Variants in NAV2 observed in about 807,000 individuals in gnomAD.
The protein encoded by NAV2 is helicase, APC down-regulated 1.
Under a neutral mutation model 223.2 loss-of-function variants are expected in NAV2, and 54 were observed. The observed-to-expected ratio is 0.24, with a 90% CI of 0.19 to 0.30. NAV2 has a LOEUF of 0.30. NAV2 is among the 10% of genes least tolerant of loss of function. The pLI is 1.00. For synonymous variants in NAV2, 1,279 were observed against 1,239.3 expected (o/e 1.03, Z -0.67); for missense variants, 2,806 against 3,147.5 (o/e 0.89, Z 2.60).
At chr11:19,435,178 C>A (rs895678883) in intron 1 of NAV2, among the ~76,000 whole-genome samples, 1 of 152,168 alleles carries the variant, frequency 6.6e-6, no homozygotes, top group Admixed American at 6.5e-5. Context: ...CTATGCCTAT[C>A]TAACTGAAAC....
rs532455435 is a variant in NAV2, at chr11:19,641,756, G to A, written c.76-190728G>A. ...CTTTGGCTCAAATGCCCCTGGCCCC[G>A]CCCAGGAAGCTTCTGTGCTTACCCT... On this transcript the variant is annotated intron_variant, in intron 1 of 37. Coordinates refer to the NAV2 transcript ENST00000360655. Among the ~76,000 whole-genome samples the A allele has an allele frequency of 2.6e-5, 4 of 151,884 alleles. 1 individual carries two copies. Among genetic ancestry groups the A allele is most frequent in the East Asian group, 1.9e-4 (1 of 5,168 alleles).
intron 1 of NAV2, among the ~76,000 whole-genome samples, chr11:19,643,381 T>C (rs564807908): frequency 6.2e-5 from 9 of 145,894 alleles, no homozygotes; most frequent in African/African-American, 2.3e-4. Flanking sequence ...GTTCTCATTG[T>C]TCAATTCCCA....
intron 1 of NAV2, among the ~76,000 whole-genome samples, chr11:19,796,932 T>C (rs1323617033): frequency 6.6e-6 from 1 of 152,186 alleles, no homozygotes; most frequent in East Asian, 1.9e-4. Flanking sequence ...CGGCCCCCAC[T>C]TTCCTTCTTC....
At chr11:19,407,862 T>A (rs1849968152) in intron 1 of NAV2, among the ~76,000 whole-genome samples, 1 of 152,192 alleles carries the variant, frequency 6.6e-6, no homozygotes, top group Admixed American at 6.5e-5. Flanking sequence ...TTGTCCTTTG[T>A]TTCATTGTTC....
At chr11:19,388,521 T>C (rs1849127704) in intron 1 of NAV2, among the ~76,000 whole-genome samples, 1 of 152,190 alleles carries the variant, frequency 6.6e-6, no homozygotes. Context: ...TTTCTGAACT[T>C]CCTGTACTGT....
intron 1 of NAV2, among the ~76,000 whole-genome samples, chr11:19,540,351 A>G (rs975547218): frequency 7.2e-5 from 11 of 152,194 alleles, no homozygotes; most frequent in Admixed American, 5.9e-4. Context: ...AATTATCACA[A>G]CATCAGCAAG....
intron 4 of NAV2, among the ~76,000 whole-genome samples, chr11:19,876,868 G>A (rs952643668): frequency 2.7e-5 from 4 of 149,818 alleles, no homozygotes; most frequent in Admixed American, 2.7e-4. Context: ...ATACTCAAAT[G>A]CCTACCAGCT....
At chr11:19,871,084 C>T (rs1409182135) in intron 4 of NAV2, among the ~76,000 whole-genome samples, 2 of 152,084 alleles carry the variant, frequency 1.3e-5, no homozygotes, top group Non-Finnish European at 2.9e-5. Context: ...GCTGTGGTAT[C>T]AAGCCATTGT....
At chr11:20,012,134 AGAATGGAGT>A (rs998254427) in intron 11 of NAV2, among the ~76,000 whole-genome samples, 2 of 152,216 alleles carry the variant, frequency 1.3e-5, no homozygotes, top group African/African-American at 4.8e-5. Context: ...AGTTGGCTGA[AGAATGGAGT>A]TTCTGTCTAG....
At chr11:19,787,527 A>C (rs2152709081) in intron 1 of NAV2, among the ~76,000 whole-genome samples, 1 of 152,290 alleles carries the variant, frequency 6.6e-6, no homozygotes, top group Admixed American at 6.5e-5. Flanking sequence ...AGAAACAAAA[A>C]GAACTTGATA....
chr11:19,474,294 A>G (rs1309889490), intron 1 of NAV2, among the ~76,000 whole-genome samples: 3 of 152,216 alleles, frequency 2.0e-5, no homozygotes, highest in African/African-American at 4.8e-5. Flanking sequence ...AAACAATGAG[A>G]CGCTAAATGA....
At chr11:20,000,846 T>A (rs1036363853) in intron 11 of NAV2, among the ~76,000 whole-genome samples, 2 of 152,194 alleles carry the variant, frequency 1.3e-5, no homozygotes, top group African/African-American at 4.8e-5. Context: ...AGCACGTCCT[T>A]GTGTGCTGCG....
chr11:20,094,828 GCCGCCATATGACACCTC>G (rs2061131599), intron 29 of NAV2, among the ~76,000 whole-genome samples: 1 of 152,072 alleles, frequency 6.6e-6, no homozygotes, highest in African/African-American at 2.4e-5. Context: ...ATTTTGCTTA[GCCGCCATATGACACCTC>G]CCCCACCTCC....
intron 1 of NAV2, among the ~76,000 whole-genome samples, chr11:19,440,444 G>T (rs529289018): frequency 5.3e-5 from 8 of 152,180 alleles, no homozygotes; most frequent in Non-Finnish European, 1.2e-4. Flanking sequence ...TGTCCAAGCT[G>T]CTGGGGTCGG....
At chr11:19,972,374 T>C (rs2049323159) in intron 10 of NAV2, among the ~76,000 whole-genome samples, 1 of 152,218 alleles carries the variant, frequency 6.6e-6, no homozygotes, top group Non-Finnish European at 1.5e-5. Context: ...CAATGGCTGC[T>C]AATTTGAGCA....
intron 4 of NAV2, among the ~76,000 whole-genome samples, chr11:19,876,466 G>A (rs373179310): frequency 1.3e-5 from 2 of 152,164 alleles, no homozygotes; most frequent in East Asian, 1.9e-4. Flanking sequence ...ATAAACGATG[G>A]ACTGTAGAGA....
intron 37 of NAV2, 136 bp downstream of exon 37, chr11:20,114,931 C>T (rs1407756099): frequency 2.4e-6 from 2 of 823,844 alleles, no homozygotes; most frequent in African/African-American, 3.5e-5. Flanking sequence ...AATGACTGGG[C>T]CATTTTTGCC....
intron 1 of NAV2, among the ~76,000 whole-genome samples, chr11:19,385,825 G>A (rs953020707): frequency 2.8e-5 from 4 of 143,174 alleles, no homozygotes; most frequent in Non-Finnish European, 4.5e-5. Flanking sequence ...GCATTGGCAC[G>A]ATCTCGGCTC....
At chr11:19,844,122 G>A (rs1201163329) in intron 3 of NAV2, among the ~76,000 whole-genome samples, 1 of 152,158 alleles carries the variant, frequency 6.6e-6, no homozygotes, top group Admixed American at 6.5e-5. Flanking sequence ...GACATCTCAT[G>A]GCTGCTTTGA....
Sources: gnomAD v4.1 joint callset for allele counts (sites outside exome capture counted in the v4.1 genomes callset) on GRCh38, gnomAD v4.1.1 for gene constraint, MANE v1.5 for transcripts, NCBI Gene and HGNC (gene_info 2026-07-23, HGNC 2026-07-21) for gene names.